CNTN4: variants seen among roughly 807,000 people sequenced by gnomAD.
The protein encoded by CNTN4 is contactin 4, also known as contactin-4.
CNTN4 carries 77 observed loss-of-function variants against 122.5 expected under a neutral mutation model. That is an observed-to-expected ratio of 0.63 (90% CI 0.52 to 0.76). The LOEUF is 0.76. CNTN4 is among the 30% of genes least tolerant of loss of function. The pLI is 0.00. For synonymous variants in CNTN4, 512 were observed against 447.0 expected (o/e 1.15, Z -1.83); for missense variants, 1,256 against 1,259.1 (o/e 1.00, Z 0.04).
intron 3 of CNTN4, among the ~76,000 whole-genome samples, chr3:2,524,954 C>T (rs931483546): frequency 6.6e-6 from 1 of 152,108 alleles, no homozygotes; most frequent in African/African-American, 2.4e-5. Flanking sequence ...CTCAACCTGT[C>T]TCTAAAATCC....
chr3:2,790,225 TAC>T (rs766904675), intron 6 of CNTN4, among the ~76,000 whole-genome samples: 3 of 152,218 alleles, frequency 2.0e-5, no homozygotes, highest in Non-Finnish European at 2.9e-5. Context: ...TTCTGAGTGC[TAC>T]TGCCTCACCT....
chr3:2,784,449 T>C (rs2091732146), intron 6 of CNTN4, among the ~76,000 whole-genome samples: 1 of 152,190 alleles, frequency 6.6e-6, no homozygotes, highest in Non-Finnish European at 1.5e-5. Context: ...ATGAGGAAAC[T>C]GAGTTTTAGA....
chr3:2,757,071 A>G (rs1362179776), intron 6 of CNTN4, among the ~76,000 whole-genome samples: 2 of 152,194 alleles, frequency 1.3e-5, no homozygotes, highest in African/African-American at 4.8e-5. Context: ...TAACTGTATT[A>G]GGGTGAAAAG....
chr3:2,949,496 CT>C (rs1416551793), intron 13 of CNTN4, among the ~76,000 whole-genome samples: 2 of 152,182 alleles, frequency 1.3e-5, no homozygotes, highest in Admixed American at 6.5e-5. Context: ...GCCAAGTGCT[CT>C]GCTGTTCTCT....
At chr3:3,008,334 G>T (rs1696854622) in intron 14 of CNTN4, among the ~76,000 whole-genome samples, 2 of 152,150 alleles carry the variant, frequency 1.3e-5, no homozygotes, top group Non-Finnish European at 2.9e-5. Flanking sequence ...CACGAAATCT[G>T]TCAGGCAGCA....
chr3:2,971,346 G>C (rs1022097319), intron 13 of CNTN4, among the ~76,000 whole-genome samples: 10 of 129,432 alleles, frequency 7.7e-5, no homozygotes, highest in Admixed American at 7.1e-4. Context: ...CTGTCTGTCT[G>C]TCTGTCTATC....
intron 3 of CNTN4, among the ~76,000 whole-genome samples, chr3:2,458,571 C>G (rs1028907555): frequency 1.3e-5 from 2 of 152,062 alleles, no homozygotes; most frequent in Non-Finnish European, 1.5e-5. Flanking sequence ...TGGGAGCGGA[C>G]AATACTTGTT....
intron 2 of CNTN4, among the ~76,000 whole-genome samples, chr3:2,203,811 A>G (rs1050430737): frequency 6.6e-6 from 1 of 152,144 alleles, no homozygotes; most frequent in African/African-American, 2.4e-5. Context: ...TGATTGTCCA[A>G]ACCAGATCAA....
intron 12 of CNTN4, among the ~76,000 whole-genome samples, chr3:2,925,143 T>C (rs1330958661): frequency 1.3e-5 from 2 of 152,196 alleles, no homozygotes; most frequent in East Asian, 1.9e-4. Flanking sequence ...AATGTACCTT[T>C]TACCAAATGC....
intron 3 of CNTN4, among the ~76,000 whole-genome samples, chr3:2,549,842 G>A (rs1203658264): frequency 1.3e-5 from 2 of 152,072 alleles, no homozygotes; most frequent in Admixed American, 6.6e-5. Context: ...GCTTCTTTTG[G>A]TTGGTAGGCT....
intron 4 of CNTN4, among the ~76,000 whole-genome samples, chr3:2,727,843 G>C (rs1188290603): frequency 1.3e-5 from 2 of 152,168 alleles, no homozygotes; most frequent in Non-Finnish European, 2.9e-5. Context: ...AGACTTCTCT[G>C]TTTCTTGCTG....
chr3:3,012,913 A>C (rs1697379458), intron 14 of CNTN4, among the ~76,000 whole-genome samples: 1 of 151,742 alleles, frequency 6.6e-6, no homozygotes, highest in African/African-American at 2.4e-5. Context: ...AGTTGCTGTG[A>C]GCCGAGACTG....
chr3:2,626,276 G>C (rs1257387425), intron 4 of CNTN4, among the ~76,000 whole-genome samples: 1 of 152,036 alleles, frequency 6.6e-6, no homozygotes, highest in Non-Finnish European at 1.5e-5. Flanking sequence ...GGCGGATCAT[G>C]AGGTCAGGAG....
intron 2 of CNTN4, among the ~76,000 whole-genome samples, chr3:2,205,561 A>G (rs559935558): frequency 7.2e-5 from 11 of 152,002 alleles, no homozygotes; most frequent in Non-Finnish European, 1.3e-4. Context: ...TTCTCACTCA[A>G]TCGTAAGCTC....
chr3:2,506,142 T>A (rs980207562), intron 3 of CNTN4, among the ~76,000 whole-genome samples: 2 of 152,178 alleles, frequency 1.3e-5, no homozygotes, highest in African/African-American at 4.8e-5. Flanking sequence ...CTGCACCGGA[T>A]CTAAGGAGAG....
At chr3:2,861,135 T>G (rs1039439989) in intron 7 of CNTN4, among the ~76,000 whole-genome samples, 1 of 152,222 alleles carries the variant, frequency 6.6e-6, no homozygotes, top group African/African-American at 2.4e-5. Flanking sequence ...GGTATTCTTT[T>G]AATTATCCTA....
intron 6 of CNTN4, among the ~76,000 whole-genome samples, chr3:2,784,565 G>T (rs1001222407): frequency 3.9e-5 from 6 of 152,276 alleles, no homozygotes; most frequent in Admixed American, 1.3e-4. Context: ...GCACTCTAAG[G>T]AAAGAAAGAT....
At chr3:2,225,007 G>A (rs776845159) in intron 2 of CNTN4, among the ~76,000 whole-genome samples, 7 of 151,178 alleles carry the variant, frequency 4.6e-5, no homozygotes, top group African/African-American at 9.7e-5. Context: ...AAAATTAGCC[G>A]GTTGCGGTGG....
At chr3:2,796,921 C>T (rs2092203163) in intron 6 of CNTN4, among the ~76,000 whole-genome samples, 1 of 152,192 alleles carries the variant, frequency 6.6e-6, no homozygotes, top group African/African-American at 2.4e-5. Flanking sequence ...CTACTTCATA[C>T]TCAGATTCCT....
Sources: gnomAD v4.1 joint callset for allele counts (sites outside exome capture counted in the v4.1 genomes callset) on GRCh38, gnomAD v4.1.1 for gene constraint, MANE v1.5 for transcripts, NCBI Gene and HGNC (gene_info 2026-07-23, HGNC 2026-07-21) for gene names.